Variants in FKBP6 observed in about 807,000 individuals in gnomAD.
FKBP6 encodes the protein FKBP prolyl isomerase family member 6 (inactive).
FKBP6 carries 29 observed loss-of-function variants against 41.7 expected under a neutral mutation model. That is an observed-to-expected ratio of 0.70 (90% CI 0.52 to 0.95). The LOEUF (loss-of-function observed/expected upper bound fraction) is 0.95. Ranked by LOEUF, FKBP6 falls within the 40% of genes least tolerant of loss-of-function variation. The pLI is 0.00. For synonymous variants in FKBP6, 130 were observed against 165.1 expected (o/e 0.79, Z 1.63); for missense variants, 338 against 408.7 (o/e 0.83, Z 1.49).
Position 73,331,696 on chromosome 7 carries a change from G to A in FKBP6, c.508G>A (p.Val170Met). ...ATTTCCACTTCAGAAGGTCCTGAAA[G>A]TGGCAGCTACGGAACGGGAGTTTGG... Reference protein sequence around the residue: ...DQFPLQKVLKVAATEREFGNY... With the variant: ...DQFPLQKVLKMAATEREFGNY... Residue 170 changes from valine (V) to methionine (M), a missense_variant, in exon 5 of 9, where the codon GTG becomes ATG. This residue lies in a region of FKBP6 where 239 missense variants were observed against 250.1 expected (regional missense o/e 0.96). Coordinates refer to ENST00000252037, the MANE Select transcript of FKBP6 (RefSeq NM_003602.5). The A allele has an allele frequency of 6.2e-7, 1 of 1,614,004 alleles. No homozygotes were observed. The highest frequency in any genetic ancestry group is 1.7e-5 in the Admixed American group (1 of 60,020).
chr7:73,340,724 G>C lies in FKBP6; in HGVS notation c.675G>C (p.Leu225=). The C allele has an allele frequency of 6.2e-7, 1 of 1,613,910 alleles. No homozygotes were observed. Among genetic ancestry groups the C allele is most frequent in the Non-Finnish European group, 8.5e-7 (1 of 1,179,972 alleles). ...CCAAGCTTCCTGTTCTCCTGAACCTGTCCTTTACATACCTGAAGCTAGACC... is the reference window on the plus strand; with the variant it reads ...CCAAGCTTCCTGTTCTCCTGAACCTCTCCTTTACATACCTGAAGCTAGACC... ...EAAKLPVLLN[L]SFTYLKLDRP... is the part of the protein sequence containing the mutation. The change falls in exon 6 of 9, where the codon CTG becomes CTC. Residue 225 remains leucine, a synonymous_variant. Coordinates refer to ENST00000252037, the MANE Select transcript of FKBP6 (RefSeq NM_003602.5).
At chr7:73,328,724 C>T (rs1804723783) in intron 2 of FKBP6, 32 bp downstream of exon 2, 1 of 1,611,826 alleles carries the variant, frequency 6.2e-7, no homozygotes. Flanking sequence ...CCTCAGGATC[C>T]ATGTCATCGC....
At chr7:73,342,725 T>C (rs945332094) in intron 7 of FKBP6, 82 bp from the exon 8 acceptor site, 1 of 937,178 alleles carries the variant, frequency 1.1e-6, no homozygotes, top group South Asian at 1.3e-5. Flanking sequence ...TGTTTCTGGA[T>C]GTGAGTGGAG....
chr7:73,328,794 T>C (rs1804727499), intron 2 of FKBP6, 102 bp downstream of exon 2: 3 of 1,601,354 alleles, frequency 1.9e-6, no homozygotes, highest in South Asian at 1.1e-5. Context: ...TTGGAAATGC[T>C]TTGTTTGAAG....
At chr7:73,338,980 C>A (rs570882390) in intron 5 of FKBP6, 2 of 152,162 alleles carry the variant, frequency 1.3e-5, no homozygotes, top group Non-Finnish European at 2.9e-5. Flanking sequence ...TTGATGAAGT[C>A]TAATTCTTTG....
Position 73,328,184 on chromosome 7 carries a change from A to G in FKBP6, c.-245A>G. 1.3e-6 allele frequency: 2 copies of G among 1,545,200 alleles called. No individual in the cohort carries two copies. The highest frequency in any genetic ancestry group is 1.7e-6 in the Non-Finnish European group (2 of 1,143,628). Reference sequence around the variant, plus strand: ...CCATCATGTTTCGTGCGCTCCCATTACGGATCATACCTCGCACCTCACCGC... The same window carrying G: ...CCATCATGTTTCGTGCGCTCCCATTGCGGATCATACCTCGCACCTCACCGC... On this transcript the variant is annotated 5_prime_UTR_variant, in exon 1 of 9. Coordinates refer to ENST00000252037, the MANE Select transcript of FKBP6 (RefSeq NM_003602.5).
chr7:73,329,213 G>C, intron 2 of FKBP6, 147 bp from the exon 3 acceptor site: 1 of 751,562 alleles, frequency 1.3e-6, no homozygotes, highest in South Asian at 1.4e-5. Context: ...CCAAAATGCA[G>C]AGAGAAGATT....
intron 5 of FKBP6, among the ~76,000 whole-genome samples, chr7:73,334,950 G>A (rs1554548280): frequency 6.6e-6 from 1 of 152,120 alleles, no homozygotes; most frequent in East Asian, 1.9e-4. Flanking sequence ...TCCAAGATGA[G>A]GGTCTCTGAG....
intron 8 of FKBP6, among the ~76,000 whole-genome samples, chr7:73,355,156 G>A (rs1278409915): frequency 2.0e-5 from 3 of 152,214 alleles, no homozygotes; most frequent in Non-Finnish European, 4.4e-5. Context: ...CGAGGCCTGG[G>A]GCCCACCCGC....
At chr7:73,334,140 T>C (rs1415941882) in intron 5 of FKBP6, among the ~76,000 whole-genome samples, 2 of 152,168 alleles carry the variant, frequency 1.3e-5, no homozygotes, top group African/African-American at 2.4e-5. Flanking sequence ...TTACTACTAC[T>C]TAGGTTCTTT....
intron 5 of FKBP6, among the ~76,000 whole-genome samples, chr7:73,336,172 T>C (rs1804999626): frequency 6.6e-6 from 1 of 152,204 alleles, no homozygotes; most frequent in Admixed American, 6.5e-5. Flanking sequence ...AGGTGAGGCC[T>C]CTGGGAGATG....
chr7:73,358,531 C>G lies in FKBP6; in HGVS notation c.*353C>G, dbSNP rs1805700722. ...CCTGAGTCAACACCAATAGAGATTG[C>G]TTTGTGTATTTTGTAGGGTTCTCTG... On this transcript the variant is annotated 3_prime_UTR_variant, in exon 9 of 9. Coordinates refer to ENST00000252037, the MANE Select transcript of FKBP6 (RefSeq NM_003602.5). 6.6e-6 allele frequency: 1 copy of G among 152,576 alleles called. No individual in the cohort carries two copies. Among genetic ancestry groups the G allele is most frequent in the Non-Finnish European group, 1.5e-5 (1 of 68,022 alleles). 9.5% of individuals were successfully genotyped at this position (152,576 alleles called of 1,614,324 possible). A position where few individuals can be genotyped will look rare whatever the true frequency, so the allele number is the denominator to read the frequency against.
At chr7:73,347,988 T>C (rs1805380569) in intron 8 of FKBP6, among the ~76,000 whole-genome samples, 1 of 152,200 alleles carries the variant, frequency 6.6e-6, no homozygotes, top group Non-Finnish European at 1.5e-5. Flanking sequence ...CAGTAGCATG[T>C]CCAGGTACTC....
intron 8 of FKBP6, among the ~76,000 whole-genome samples, chr7:73,348,274 G>A (rs1257827849): frequency 6.6e-6 from 1 of 151,836 alleles, no homozygotes; most frequent in Non-Finnish European, 1.5e-5. Flanking sequence ...TCTCAGATTT[G>A]TCTTTTTCAT....
At position 73,328,736 on chromosome 7, in the gene FKBP6, C is replaced by T; in HGVS notation, c.175+44C>T. 3 of 1,611,878 alleles carry T rather than the reference C, an allele frequency of 1.9e-6. No homozygotes were observed. The East Asian group carries it at 6.7e-5, about 36-fold the overall frequency. On this transcript the variant is annotated intron_variant, in intron 2 of 8. Transcript: ENST00000252037. ...TGTCCTCAGGATCCATGTCATCGCA[C>T]TCTGTTGGGAAGAGAGAGGCCTCAT...
At chr7:73,334,291 T>C (rs1342343098) in intron 5 of FKBP6, among the ~76,000 whole-genome samples, 1 of 152,192 alleles carries the variant, frequency 6.6e-6, no homozygotes, top group Non-Finnish European at 1.5e-5. Flanking sequence ...TGGGAAACTT[T>C]CTTGAGTTAT....
At chr7:73,352,964 A>C (rs1805530929) in intron 8 of FKBP6, among the ~76,000 whole-genome samples, 1 of 152,120 alleles carries the variant, frequency 6.6e-6, no homozygotes, top group South Asian at 2.1e-4. Context: ...GCAAATCTGC[A>C]CTAACTTCCT....
At chr7:73,335,396 G>T (rs555697966) in intron 5 of FKBP6, among the ~76,000 whole-genome samples, 1 of 152,218 alleles carries the variant, frequency 6.6e-6, no homozygotes, top group Non-Finnish European at 1.5e-5. Flanking sequence ...TTTCTGCCCC[G>T]TGTGTGTGCC....
At chr7:73,331,348 A>G (rs1804834967) in intron 4 of FKBP6, among the ~76,000 whole-genome samples, 1 of 152,204 alleles carries the variant, frequency 6.6e-6, no homozygotes, top group African/African-American at 2.4e-5. Flanking sequence ...GGAAGACTGA[A>G]GACGTAGACT....
Sources: allele counts gnomAD v4.1 joint callset (sites outside exome capture counted in the v4.1 genomes callset), GRCh38; gene constraint gnomAD v4.1.1; regional missense constraint gnomAD v4.1.1; transcripts MANE v1.5; gene names NCBI Gene and HGNC (gene_info 2026-07-23, HGNC 2026-07-21).